Variants in DGLUCY observed in about 807,000 individuals in gnomAD.
The protein encoded by DGLUCY is D-glutamate cyclase, mitochondrial.
A neutral mutation model predicts 58.5 loss-of-function variants in DGLUCY; 58 were observed. The observed-to-expected ratio is 0.99, with a 90% CI of 0.80 to 1.23. The LOEUF (loss-of-function observed/expected upper bound fraction) is 1.23. Among genes scored for constraint, DGLUCY ranks in the 50% most tolerant of loss-of-function variants. The pLI is 0.00. For synonymous variants in DGLUCY, 325 were observed against 314.1 expected, an observed-to-expected ratio of 1.03 and a Z score of -0.37; for missense variants, 779 against 784.7, an observed-to-expected ratio of 0.99 and a Z score of 0.09.
Position 91,115,447 on chromosome 14 carries a change from G to A in DGLUCY, c.-82+1164G>A, listed in dbSNP as rs548732754. On this transcript the variant is annotated intron_variant, in intron 1 of 13. Transcript: ENST00000256324. ...TTTTTTCCCCCCTTCATTTTGAGAC[G>A]GAGTCTTGCTGTGTCGCCCAGGCTG... Among the ~76,000 whole-genome samples, 10 of 152,082 alleles carry A rather than the reference G, an allele frequency of 6.6e-5. No homozygotes were observed. In the South Asian group the frequency reaches 1.9e-3, roughly 28 times the overall value.
intron 9 of DGLUCY, among the ~76,000 whole-genome samples, chr14:91,192,027 C>T (rs1007666782): frequency 4.6e-5 from 7 of 152,070 alleles, no homozygotes; most frequent in African/African-American, 1.7e-4. Context: ...GCATATACCC[C>T]AGAAAAAGGA....
chr14:91,075,929 A>G (rs1002233886), intron 1 of DGLUCY, among the ~76,000 whole-genome samples: 11 of 152,312 alleles, frequency 7.2e-5, no homozygotes, highest in African/African-American at 2.4e-4. Flanking sequence ...CCAGGCCAAC[A>G]TGGTGAAACC....
intron 7 of DGLUCY, among the ~76,000 whole-genome samples, 183 bp downstream of exon 7, chr14:91,176,239 T>A (rs572802475): frequency 1.5e-4 from 23 of 152,342 alleles, no homozygotes; most frequent in South Asian, 1.0e-3. Context: ...TTATTTATTT[T>A]TTTTTGAGAC....
chr14:91,205,797 C>CTTCTTCTTCTTCTTCTTCTT (rs1884530763), intron 12 of DGLUCY, among the ~76,000 whole-genome samples: 6 of 66,338 alleles, frequency 9.0e-5, no homozygotes, highest in Admixed American at 4.5e-4. Flanking sequence ...TTCTTCTTCT[C>CTTCTTCTTCTTCTTCTTCTT]CGTCTCCTTC....
intron 1 of DGLUCY, among the ~76,000 whole-genome samples, chr14:91,138,985 ATC>A (rs887091478): frequency 1.3e-5 from 2 of 152,232 alleles, no homozygotes; most frequent in Non-Finnish European, 2.9e-5. Flanking sequence ...CGACACATGC[ATC>A]TCTGTTTCTA....
chr14:91,181,592 T>G (rs552990728), intron 8 of DGLUCY, among the ~76,000 whole-genome samples: 13 of 152,258 alleles, frequency 8.5e-5, no homozygotes, highest in Admixed American at 5.2e-4. Context: ...CTCTAGGTAG[T>G]GGTATTGTGA....
chr14:91,096,834 T>C (rs543254151), intron 1 of DGLUCY, among the ~76,000 whole-genome samples: 1 of 150,796 alleles, frequency 6.6e-6, no homozygotes, highest in Non-Finnish European at 1.5e-5. Context: ...TGAGAGGGAG[T>C]GGGTCAGCTG....
chr14:91,211,431 C>A (rs1315462692), intron 12 of DGLUCY, among the ~76,000 whole-genome samples: 2 of 152,150 alleles, frequency 1.3e-5, no homozygotes, highest in East Asian at 3.9e-4. Context: ...TTAAGACTTA[C>A]TATAAAGCTA....
At chr14:91,180,571 CAAAAA>C (rs1212639674) in intron 7 of DGLUCY, among the ~76,000 whole-genome samples, 2 of 86,166 alleles carry the variant, frequency 2.3e-5, no homozygotes, top group African/African-American at 4.5e-5. Flanking sequence ...GACTCCATCT[CAAAAA>C]AAAAAAAAAA....
chr14:91,071,910 T>C (rs912539064), intron 1 of DGLUCY, among the ~76,000 whole-genome samples: 3 of 151,650 alleles, frequency 2.0e-5, no homozygotes, highest in African/African-American at 7.3e-5. Flanking sequence ...CAAACTCTTA[T>C]ACTGTGAACA....
At chr14:91,069,182 T>G (rs1435488268) in intron 1 of DGLUCY, among the ~76,000 whole-genome samples, 2 of 152,234 alleles carry the variant, frequency 1.3e-5, no homozygotes, top group African/African-American at 4.8e-5. Flanking sequence ...TCATTCTTTC[T>G]AACAAGGAAA....
intron 3 of DGLUCY, among the ~76,000 whole-genome samples, chr14:91,165,962 G>C (rs550728175): frequency 5.9e-5 from 9 of 152,328 alleles, no homozygotes; most frequent in African/African-American, 2.2e-4. Flanking sequence ...TTAGCAATAG[G>C]ATTGGGTAAA....
At chr14:91,186,867 G>A (rs1323849387) in intron 8 of DGLUCY, among the ~76,000 whole-genome samples, 1 of 144,604 alleles carries the variant, frequency 6.9e-6, no homozygotes, top group Admixed American at 6.8e-5. Flanking sequence ...TGGGAAAACT[G>A]AGGCTCAGAG....
intron 9 of DGLUCY, among the ~76,000 whole-genome samples, chr14:91,195,295 C>T (rs796139337): frequency 6.6e-6 from 1 of 152,156 alleles, no homozygotes; most frequent in South Asian, 2.1e-4. Context: ...TGAGATAGAT[C>T]GGTTAATGAA....
At chr14:91,143,029 C>CAAA (rs34164664) in intron 1 of DGLUCY, among the ~76,000 whole-genome samples, 3 of 83,078 alleles carry the variant, frequency 3.6e-5, no homozygotes, top group Admixed American at 1.4e-4. Context: ...GACTCCCTCT[C>CAAA]AAAAAAAAAA....
chr14:91,211,192 T>C (rs1008822630), intron 12 of DGLUCY, among the ~76,000 whole-genome samples: 3 of 152,192 alleles, frequency 2.0e-5, no homozygotes, highest in South Asian at 2.1e-4. Context: ...AAGAACTATA[T>C]CAATGGAGAG....
chr14:91,133,314 A>C (rs907422369), intron 1 of DGLUCY, among the ~76,000 whole-genome samples: 1 of 152,092 alleles, frequency 6.6e-6, no homozygotes, highest in Admixed American at 6.6e-5. Flanking sequence ...CAACAACAAC[A>C]ACAAAGAATT....
rs542138672 is a variant in DGLUCY, at chr14:91,188,877, A to T, written c.935-33A>T. The T allele has an allele frequency of 2.9e-5, 45 of 1,574,838 alleles. 1 individual carries two copies. The South Asian group carries it at 5.0e-4, about 18-fold the overall frequency. On this transcript the variant is annotated intron_variant, in intron 8 of 13. Coordinates refer to ENST00000256324, the MANE Select transcript of DGLUCY (RefSeq NM_001102368.3). ...TACATACAAATAATTTTAAAAATAT[A>T]GTTACTTTTACATTCTATTTTTGTC...
chr14:91,215,608 A>C, intron 13 of DGLUCY, 52 bp downstream of exon 13: 1 of 1,610,806 alleles, frequency 6.2e-7, no homozygotes, highest in Non-Finnish European at 8.5e-7. Context: ...ACCCTGGATG[A>C]GCAGCAGGCC....
Sources: allele counts gnomAD v4.1 joint callset (sites outside exome capture counted in the v4.1 genomes callset), GRCh38; gene constraint gnomAD v4.1.1; transcripts MANE v1.5; gene names NCBI Gene and HGNC (gene_info 2026-07-23, HGNC 2026-07-21).